The following DOCK5 variants were observed in gnomAD, a reference collection of about 807,000 sequenced individuals.
DOCK5 encodes dedicator of cytokinesis 5, also known as dedicator of cytokinesis protein 5.
A neutral mutation model predicts 251.8 loss-of-function variants in DOCK5; 142 were observed. The observed-to-expected ratio is 0.56, with a 90% CI of 0.49 to 0.65. The LOEUF (loss-of-function observed/expected upper bound fraction) is 0.65. Among genes scored for constraint, DOCK5 ranks in the 30% least tolerant of loss-of-function variants. The pLI is 0.00. For missense variants in DOCK5, 2,111 were observed against 2,312.3 expected (o/e 0.91, Z 1.79); for synonymous variants, 842 against 835.5 (o/e 1.01, Z -0.13).
At chr8:25,236,237 C>T (rs1802794182) in intron 1 of DOCK5, among the ~76,000 whole-genome samples, 2 of 152,126 alleles carry the variant, frequency 1.3e-5, no homozygotes, top group South Asian at 4.1e-4. Flanking sequence ...GAGCTGATGT[C>T]CTAACCTGAT....
intron 3 of DOCK5, chr8:25,270,939 A>C (rs1803892044): frequency 1.7e-6 from 1 of 585,698 alleles, no homozygotes; most frequent in African/African-American, 1.8e-5. Flanking sequence ...AATACAATGT[A>C]AATGCTATGT....
chr8:25,395,724 G>T lies in DOCK5; in HGVS notation c.4704+5G>T, dbSNP rs768659223. 3 of 1,612,658 alleles carry T rather than the reference G, an allele frequency of 1.9e-6. No individual in the cohort carries two copies. The highest frequency in any genetic ancestry group is 1.1e-5 in the South Asian group (1 of 90,900). On this transcript the variant is annotated splice_donor_5th_base_variant and intron_variant, in intron 45 of 51. Coordinates refer to ENST00000276440, the MANE Select transcript of DOCK5 (RefSeq NM_024940.8). ...GGCTTCTCCAACTATGAAAAGGTTC[G>T]CTTGGTCCCAGAATCCCCTAGGGAT...
In DOCK5 at chr8:25,389,145, C is replaced by T. The variant is rs1801212876; in HGVS notation, c.4186C>T (p.Leu1396=). 6.2e-7 allele frequency: 1 copy of T among 1,614,002 alleles called. No individual in the cohort carries two copies. The highest frequency in any genetic ancestry group is 1.3e-5 in the African/African-American group (1 of 75,054). ...KEYERREDFS[L]RLLTQFPNAE... ...GTATGAGAGGCGAGAGGACTTCAGC[C>T]TGAGGTTGTTAACCCAGTTCCCCAA... Residue 1396 remains leucine (L), a synonymous_variant, in exon 41 of 52, where the codon CTG becomes TTG. Transcript: ENST00000276440.
At chr8:25,339,880 A>G (rs1364138758) in intron 22 of DOCK5, among the ~76,000 whole-genome samples, 1 of 152,166 alleles carries the variant, frequency 6.6e-6, no homozygotes, top group Non-Finnish European at 1.5e-5. Flanking sequence ...TGGAAAATGG[A>G]TTATCGAAGG....
At chr8:25,304,033 G>GATCCAGT (rs1327737722) in intron 10 of DOCK5, among the ~76,000 whole-genome samples, 12 of 152,152 alleles carry the variant, frequency 7.9e-5, no homozygotes, top group Admixed American at 7.9e-4. Context: ...CTGCAAAATT[G>GATCCAGT]ATCCAGTAAA....
chr8:25,363,088 T>C lies in DOCK5; in HGVS notation c.2991T>C (p.Ile997=). ...METFIMFKDL[I]GKNVYAKDWM... ...CTTTTATCATGTTCAAGGACCTGAT[T>C]GGAAAGAATGTCTATGCCAAAGATT... Residue 997 remains isoleucine, a synonymous_variant, in exon 29 of 52, where the codon ATT becomes ATC. Coordinates refer to ENST00000276440, the MANE Select transcript of DOCK5 (RefSeq NM_024940.8). The C allele has an allele frequency of 1.9e-6, 3 of 1,614,006 alleles. No individual in the cohort carries two copies. The highest frequency in any genetic ancestry group is 2.5e-6 in the Non-Finnish European group (3 of 1,179,882).
At chr8:25,377,150 C>T (rs1476028532) in intron 37 of DOCK5, among the ~76,000 whole-genome samples, 155 bp from the exon 38 acceptor site, 2 of 152,158 alleles carry the variant, frequency 1.3e-5, no homozygotes, top group African/African-American at 4.8e-5. Flanking sequence ...TGTTTTGGAG[C>T]TGGCATGTGT....
At position 25,410,081 on chromosome 8, in the gene DOCK5, A is replaced by C; in HGVS notation, c.5405-18A>C. ...CTCAGTGCCTCTCTCTGCCGCCTGC[A>C]CTTTCTGTCATTTCTAGGCTCCCCA... On this transcript the variant is annotated intron_variant, in intron 50 of 51. Coordinates refer to ENST00000276440, the MANE Select transcript of DOCK5 (RefSeq NM_024940.8). 1 of 1,605,794 alleles carries C rather than the reference A, an allele frequency of 6.2e-7. No homozygotes were observed. The highest frequency in any genetic ancestry group is 8.5e-7 in the Non-Finnish European group (1 of 1,174,410).
intron 39 of DOCK5, among the ~76,000 whole-genome samples, chr8:25,382,098 T>C (rs534158708): frequency 1.3e-5 from 2 of 152,138 alleles, no homozygotes; most frequent in Non-Finnish European, 2.9e-5. Context: ...ACTGCAACCT[T>C]GAACTCCTGG....
chr8:25,358,162 G>A (rs118176114), intron 27 of DOCK5, among the ~76,000 whole-genome samples: 85 of 152,268 alleles, frequency 5.6e-4, no homozygotes, highest in Admixed American at 1.2e-3. Flanking sequence ...TATAAATTGG[G>A]TAGTTTATAG....
chr8:25,258,216 C>T lies in DOCK5; in HGVS notation c.128-10629C>T, dbSNP rs182657224. ...ACTGTGATTTGGTCCTCTTCCTCAT[C>T]CCTCACTGCCTGGACCAGGTCTCTC... On this transcript the variant is annotated intron_variant, in intron 2 of 51. Coordinates refer to ENST00000276440, the MANE Select transcript of DOCK5 (RefSeq NM_024940.8). Among the ~76,000 whole-genome samples the T allele has an allele frequency of 3.8e-4, 57 of 151,910 alleles. 1 individual carries two copies. The highest frequency in any genetic ancestry group is 2.8e-3 in the Admixed American group (42 of 15,250).
At chr8:25,256,884 T>C (rs112225161) in intron 2 of DOCK5, among the ~76,000 whole-genome samples, 2,409 of 151,358 alleles carry the variant, frequency 0.016, 22 homozygotes, top group Non-Finnish European at 0.025. Flanking sequence ...AATTGTTTCT[T>C]CTTGACTTTT....
chr8:25,324,665 T>C (rs1401409328), intron 17 of DOCK5, among the ~76,000 whole-genome samples: 1 of 152,140 alleles, frequency 6.6e-6, no homozygotes, highest in African/African-American at 2.4e-5. Flanking sequence ...TAATTACACT[T>C]CAAGTTTTAG....
chr8:25,290,205 A>G (rs916336880), intron 5 of DOCK5, among the ~76,000 whole-genome samples: 4 of 152,200 alleles, frequency 2.6e-5, no homozygotes, highest in Non-Finnish European at 5.9e-5. Flanking sequence ...AAATGAAGAC[A>G]TCAATCATTT....
chr8:25,375,234 C>G (rs1163310892), intron 37 of DOCK5: 1 of 168,684 alleles, frequency 5.9e-6, no homozygotes, highest in Non-Finnish European at 1.3e-5. Context: ...TCCTACCTCA[C>G]TTTGTTACCA....
rs763055619 is a variant in DOCK5 at position 25,332,368 on chromosome 8, G to A, written c.2001+20G>A. The A allele has an allele frequency of 2.5e-6, 4 of 1,584,392 alleles. No individual in the cohort carries two copies. The South Asian group carries it at 4.4e-5, about 18-fold the overall frequency. ...GTTAAGGTATGTTTATATATTCATA[G>A]TTAGAAATACACATACCTACATATA... is the stretch of plus-strand genomic sequence containing the variant. On this transcript the variant is annotated intron_variant, in intron 19 of 51. Coordinates refer to ENST00000276440, the MANE Select transcript of DOCK5 (RefSeq NM_024940.8).
chr8:25,378,070 A>G (rs977457917), intron 38 of DOCK5, among the ~76,000 whole-genome samples: 21 of 152,158 alleles, frequency 1.4e-4, no homozygotes, highest in Non-Finnish European at 2.8e-4. Flanking sequence ...GCAGGATTGA[A>G]TGAATCGTTA....
intron 38 of DOCK5, among the ~76,000 whole-genome samples, chr8:25,378,232 C>G (rs1800998577): frequency 1.3e-5 from 2 of 152,116 alleles, no homozygotes; most frequent in Admixed American, 1.3e-4. Flanking sequence ...CATGAGTCAC[C>G]TCATTAGCAT....
intron 9 of DOCK5, 80 bp downstream of exon 9, chr8:25,300,737 C>A (rs1804741193): frequency 7.2e-7 from 1 of 1,383,550 alleles, no homozygotes; most frequent in Non-Finnish European, 9.9e-7. Context: ...GGAAAACATA[C>A]AAAATGAAAA....
Sources: allele counts gnomAD v4.1 joint callset (sites outside exome capture counted in the v4.1 genomes callset), GRCh38; gene constraint gnomAD v4.1.1; transcripts MANE v1.5; gene names NCBI Gene and HGNC (gene_info 2026-07-23, HGNC 2026-07-21).